TFDP2: variants seen among roughly 807,000 people sequenced by gnomAD.
TFDP2 encodes the protein transcription factor Dp-2 (E2F dimerization partner 2).
TFDP2 carries 17 observed loss-of-function variants against 59.3 expected under a neutral mutation model. The observed-to-expected ratio is 0.29, with a 90% CI of 0.20 to 0.43. The LOEUF is 0.43. Among genes scored for constraint, TFDP2 ranks in the 20% least tolerant of loss-of-function variants. The probability of loss-of-function intolerance (pLI) is 1.00; values close to 1 mark genes in which losing one functional copy is unlikely to be tolerated. For missense variants in TFDP2, 391 were observed against 528.8 expected, an observed-to-expected ratio of 0.74 and a Z score of 2.56; for synonymous variants, 180 against 194.7, an observed-to-expected ratio of 0.92 and a Z score of 0.63.
intron 3 of TFDP2, chr3:142,028,562 A>G: frequency 2.0e-6 from 2 of 985,364 alleles, no homozygotes; most frequent in Non-Finnish European, 2.4e-6. Flanking sequence ...AGTGAGAAAC[A>G]AACTGATCTC....
chr3:142,022,330 A>C (rs1388708925), intron 3 of TFDP2, among the ~76,000 whole-genome samples: 2 of 152,256 alleles, frequency 1.3e-5, no homozygotes, highest in Non-Finnish European at 2.9e-5. Flanking sequence ...GTTCAAATTA[A>C]GGAAATAACG....
At chr3:142,027,056 C>T (rs1946146201) in intron 3 of TFDP2, among the ~76,000 whole-genome samples, 1 of 131,708 alleles carries the variant, frequency 7.6e-6, no homozygotes, top group African/African-American at 3.0e-5. Context: ...TTTGTACCTA[C>T]TGTCTAGTGA....
Position 142,038,406 on chromosome 3 carries a change from A to G in TFDP2, c.83-32862T>C, listed in dbSNP as rs1051342504. 1.3e-5 allele frequency among the ~76,000 whole-genome samples: 2 copies of G among 150,698 alleles called. 1 individual carries two copies. Among genetic ancestry groups the G allele is most frequent in the East Asian group, 3.9e-4 (2 of 5,190 alleles). On this transcript the variant is annotated intron_variant, in intron 3 of 12. Transcript: ENST00000489671. ...CTCAAAAAAAAAAAAAAAAAAAAAAAAGAGAATAAGTAGAAATACTGTAGA... is the reference window on the plus strand; with the variant it reads ...CTCAAAAAAAAAAAAAAAAAAAAAAGAGAGAATAAGTAGAAATACTGTAGA...
intron 8 of TFDP2, among the ~76,000 whole-genome samples, chr3:141,971,193 C>A (rs1234122641): frequency 6.6e-6 from 1 of 151,806 alleles, no homozygotes; most frequent in Non-Finnish European, 1.5e-5. Context: ...TTGAGTTCCT[C>A]ACTGTCTCCT....
chr3:141,951,528 ACTTTT>A lies in TFDP2; in HGVS notation c.*980_*984del, dbSNP rs1236927964. 1 of 152,640 alleles carries A rather than the reference ACTTTT, an allele frequency of 6.6e-6. No homozygotes were observed. Among genetic ancestry groups the A allele is most frequent in the African/African-American group, 2.4e-5 (1 of 41,464 alleles). 9.5% of individuals were successfully genotyped at this position (152,640 alleles called of 1,614,324 possible). On this transcript the variant is annotated 3_prime_UTR_variant, in exon 13 of 13. Transcript: ENST00000489671. ...ACTGCTGTTCATATTCTTGAAATAG[ACTTTT>A]CTTTAAGACAAAAGTAATGACATTT...
chr3:141,982,710 C>T (rs1941618614), intron 6 of TFDP2, among the ~76,000 whole-genome samples: 1 of 152,164 alleles, frequency 6.6e-6, no homozygotes, highest in South Asian at 2.1e-4. Context: ...AGAAACTAAA[C>T]ATAGTCCTTA....
chr3:141,977,778 T>C (rs1940920177), intron 7 of TFDP2, among the ~76,000 whole-genome samples: 1 of 151,922 alleles, frequency 6.6e-6, no homozygotes, highest in Admixed American at 6.6e-5. Flanking sequence ...TGGTGCGATC[T>C]TGGCTTACTG....
At chr3:142,059,532 T>C (rs1291913924) in intron 3 of TFDP2, among the ~76,000 whole-genome samples, 1 of 152,198 alleles carries the variant, frequency 6.6e-6, no homozygotes, top group Non-Finnish European at 1.5e-5. Context: ...TTTAACATCA[T>C]CTAGGATAAC....
At chr3:142,062,403 G>A (rs4683664) in intron 3 of TFDP2, among the ~76,000 whole-genome samples, 108,514 of 138,966 alleles carry the variant, frequency 0.78, 40,181 homozygotes, top group South Asian at 0.83. Flanking sequence ...TAATATATAT[G>A]TGTGTGTGTG....
intron 4 of TFDP2, 106 bp downstream of exon 4, chr3:142,005,335 G>A (rs910431479): frequency 1.8e-5 from 16 of 903,838 alleles, no homozygotes; most frequent in South Asian, 1.4e-4. Flanking sequence ...CACCTACCGC[G>A]CCTGGTTTAA....
chr3:142,006,607 C>T (rs1433429566), intron 3 of TFDP2, among the ~76,000 whole-genome samples: 1 of 151,596 alleles, frequency 6.6e-6, no homozygotes, highest in Non-Finnish European at 1.5e-5. Context: ...TGGCTGACAC[C>T]ACAGGCATGC....
intron 11 of TFDP2, among the ~76,000 whole-genome samples, chr3:141,955,549 G>A (rs999899435): frequency 6.6e-6 from 1 of 152,130 alleles, no homozygotes; most frequent in African/African-American, 2.4e-5. Flanking sequence ...GAGAGGCGGG[G>A]GGCCCTTGCA....
intron 3 of TFDP2, among the ~76,000 whole-genome samples, chr3:142,017,534 T>G: frequency 6.8e-6 from 1 of 147,714 alleles, no homozygotes; most frequent in South Asian, 2.1e-4. Context: ...TGCAAACACA[T>G]ATGCAAAAAT....
At chr3:142,063,148 T>C (rs1031262911) in intron 3 of TFDP2, among the ~76,000 whole-genome samples, 5 of 152,212 alleles carry the variant, frequency 3.3e-5, no homozygotes, top group African/African-American at 1.2e-4. Context: ...TATCCAGTCA[T>C]GGATATGTTA....
At chr3:142,068,805 C>G (rs111370699) in intron 3 of TFDP2, among the ~76,000 whole-genome samples, 28 of 151,996 alleles carry the variant, frequency 1.8e-4, no homozygotes, top group African/African-American at 6.0e-4. Context: ...TGGATCTGCC[C>G]GCCTCAGCCT....
intron 3 of TFDP2, among the ~76,000 whole-genome samples, chr3:142,055,200 T>G (rs1259073722): frequency 2.6e-5 from 4 of 152,234 alleles, no homozygotes; most frequent in African/African-American, 4.8e-5. Flanking sequence ...TAGATTATCA[T>G]AAAACAGGTT....
intron 1 of TFDP2, among the ~76,000 whole-genome samples, chr3:142,130,418 T>C (rs1036853821): frequency 2.6e-5 from 4 of 151,966 alleles, no homozygotes; most frequent in African/African-American, 9.7e-5. Context: ...AGTAGAATGG[T>C]GGTTATCAGT....
At chr3:141,989,938 G>A (rs1363040428) in intron 6 of TFDP2, among the ~76,000 whole-genome samples, 1 of 151,318 alleles carries the variant, frequency 6.6e-6, no homozygotes, top group Non-Finnish European at 1.5e-5. Flanking sequence ...CGGTCACCGG[G>A]GCTGGAGTGC....
At chr3:142,048,111 C>A (rs1947437780) in intron 3 of TFDP2, among the ~76,000 whole-genome samples, 1 of 151,992 alleles carries the variant, frequency 6.6e-6, no homozygotes, top group African/African-American at 2.4e-5. Flanking sequence ...AACCAATTAG[C>A]ATAAAGAGGT....
Sources: allele counts gnomAD v4.1 joint callset (sites outside exome capture counted in the v4.1 genomes callset), GRCh38; gene constraint gnomAD v4.1.1; transcripts MANE v1.5; gene names NCBI Gene and HGNC (gene_info 2026-07-23, HGNC 2026-07-21).